MAST4: variants seen among roughly 807,000 people sequenced by gnomAD.
MAST4 encodes the protein microtubule-associated serine/threonine-protein kinase 4.
In MAST4, 89 loss-of-function variants were observed where a neutral mutation model predicts 162.7. The observed-to-expected ratio is 0.55, with a 90% CI of 0.46 to 0.65. MAST4 has a LOEUF of 0.65. MAST4 is among the 30% of genes least tolerant of loss of function. The pLI is 0.00. For synonymous variants in MAST4, 1,479 were observed against 1,361.1 expected, an observed-to-expected ratio of 1.09 and a Z score of -1.91; for missense variants, 3,153 against 3,374.0, an observed-to-expected ratio of 0.93 and a Z score of 1.62.
At chr5:67,082,691 G>A (rs1488946185) in intron 5 of MAST4, among the ~76,000 whole-genome samples, 2 of 152,004 alleles carry the variant, frequency 1.3e-5, no homozygotes, top group East Asian at 3.9e-4. Context: ...TCAGACTGTG[G>A]GCATGTAAGA....
intron 3 of MAST4, among the ~76,000 whole-genome samples, chr5:66,837,023 CATGT>C (rs1329165738): frequency 2.2e-4 from 32 of 144,752 alleles, no homozygotes; most frequent in South Asian, 6.9e-4. Flanking sequence ...CATGCAGGAT[CATGT>C]GTGTGTGTGT....
rs1229676471 is a variant in MAST4 at position 66,828,638 on chromosome 5, C to T, written c.642+39844C>T. The T allele has an allele frequency of 1.4e-5, 9 of 621,984 alleles. No homozygotes were observed. The East Asian group carries it at 2.5e-4, about 17-fold the overall frequency. The allele number at this position is 621,984 out of a possible 1,614,324, so 38.5% of individuals were successfully genotyped here. On this transcript the variant is annotated intron_variant, in intron 3 of 28. Coordinates refer to ENST00000403625, the MANE Select transcript of MAST4 (RefSeq NM_001164664.2). Reference sequence around the variant, plus strand: ...ATTAGGTGTCTGAGCCCACTTGCTGCTCTCTCCCACCGAACTGCAAGCATC... The same window carrying T: ...ATTAGGTGTCTGAGCCCACTTGCTGTTCTCTCCCACCGAACTGCAAGCATC...
chr5:66,682,908 G>A (rs766048304), intron 1 of MAST4, among the ~76,000 whole-genome samples: 13 of 152,194 alleles, frequency 8.5e-5, no homozygotes, highest in African/African-American at 7.2e-5. Flanking sequence ...CCATCTTTGA[G>A]AAGGCTTTTT....
At position 67,165,596 on chromosome 5, in the gene MAST4, G is replaced by C. The variant is rs748661968; in HGVS notation, c.6417G>C (p.Thr2139=). ...HPSSIPPPPL[T]AKDLSSPAAR... ...GCAGCATCCCTCCGCCCCCTCTGAC[G>C]GCCAAAGACCTGTCCAGCCCGGCTG... The change falls in exon 29 of 29, where the codon ACG becomes ACC. Residue 2139 remains threonine, a synonymous_variant. Transcript: ENST00000403625. The C allele has an allele frequency of 6.2e-7, 1 of 1,613,610 alleles. No homozygotes were observed. The highest frequency in any genetic ancestry group is 1.7e-5 in the Admixed American group (1 of 59,968).
intron 4 of MAST4, among the ~76,000 whole-genome samples, chr5:66,944,515 G>A (rs921507591): frequency 1.3e-5 from 2 of 152,000 alleles, no homozygotes; most frequent in African/African-American, 2.4e-5. Context: ...CATTTATAAA[G>A]CATCTACCAG....
At chr5:66,801,771 GA>G (rs902168473) in intron 3 of MAST4, among the ~76,000 whole-genome samples, 19 of 152,292 alleles carry the variant, frequency 1.2e-4, no homozygotes, top group African/African-American at 4.6e-4. Flanking sequence ...GCTATTGTGA[GA>G]ACTATTTCAA....
intron 2 of MAST4, among the ~76,000 whole-genome samples, chr5:66,772,365 T>TGTTTAC (rs1228415213): frequency 1.3e-5 from 2 of 152,188 alleles, no homozygotes; most frequent in African/African-American, 4.8e-5. Context: ...GATTTTACCC[T>TGTTTAC]CTTATAGGAA....
intron 4 of MAST4, among the ~76,000 whole-genome samples, chr5:67,014,539 C>T (rs143210745): frequency 1.3e-5 from 2 of 152,294 alleles, no homozygotes; most frequent in African/African-American, 2.4e-5. Context: ...TAAAAGTTGC[C>T]GTATTTTTAC....
intron 4 of MAST4, among the ~76,000 whole-genome samples, chr5:67,000,756 A>AGGCG (rs1554079056): frequency 7.1e-6 from 1 of 141,334 alleles, no homozygotes; most frequent in Non-Finnish European, 1.5e-5. Flanking sequence ...CTAAAAAAAA[A>AGGCG]GGGGGGGGGT....
chr5:66,956,117 C>T (rs759322916), intron 4 of MAST4, among the ~76,000 whole-genome samples: 2 of 152,094 alleles, frequency 1.3e-5, no homozygotes, highest in South Asian at 4.1e-4. Context: ...GCCACTGTGC[C>T]TGGCCTTCTT....
At chr5:66,645,311 A>G (rs917802600) in intron 1 of MAST4, among the ~76,000 whole-genome samples, 7 of 152,330 alleles carry the variant, frequency 4.6e-5, no homozygotes, top group East Asian at 3.9e-4. Context: ...TTGCATAGGC[A>G]CACTGATTCT....
intron 3 of MAST4, among the ~76,000 whole-genome samples, chr5:66,845,766 C>T (rs1246252349): frequency 6.6e-6 from 1 of 152,118 alleles, no homozygotes; most frequent in African/African-American, 2.4e-5. Flanking sequence ...CACATCCTCT[C>T]CAGCACCTGT....
intron 1 of MAST4, among the ~76,000 whole-genome samples, chr5:66,647,350 G>A (rs557030111): frequency 3.9e-5 from 6 of 152,058 alleles, no homozygotes; most frequent in Non-Finnish European, 7.4e-5. Context: ...ATTCCCCAGT[G>A]ACTACCCCAT....
intron 4 of MAST4, among the ~76,000 whole-genome samples, chr5:66,990,287 A>G (rs1749931454): frequency 6.6e-6 from 1 of 152,222 alleles, no homozygotes. Flanking sequence ...TAAGGTACTT[A>G]GAGGTTAAGT....
intron 4 of MAST4, among the ~76,000 whole-genome samples, chr5:66,920,250 G>A (rs1367831072): frequency 6.6e-6 from 1 of 151,930 alleles, no homozygotes; most frequent in Non-Finnish European, 1.5e-5. Flanking sequence ...CTGCATTTTG[G>A]TCAACTCAAA....
At chr5:66,825,277 C>CAG (rs1294850524) in intron 3 of MAST4, among the ~76,000 whole-genome samples, 1 of 105,278 alleles carries the variant, frequency 9.5e-6, no homozygotes, top group African/African-American at 3.9e-5. Context: ...CACACACACA[C>CAG]ACACACACAC....
chr5:66,919,654 G>A lies in MAST4; in HGVS notation c.674+19672G>A, dbSNP rs547665184. Among the ~76,000 whole-genome samples the A allele has an allele frequency of 1.1e-3, 124 of 114,492 alleles. 2 individuals carry two copies. In the South Asian group the frequency reaches 0.038, roughly 35 times the overall value. 75.1% of individuals were successfully genotyped at this position (114,492 alleles called of 152,430 possible). On this transcript the variant is annotated intron_variant, in intron 4 of 28. Transcript: ENST00000403625. ...AGCCTGGGCAACAGAGCAAGACTCC[G>A]TCACAGAAAAAAAAAAAAAAAAAAA...
intron 3 of MAST4, among the ~76,000 whole-genome samples, chr5:66,829,054 C>T (rs547616318): frequency 1.3e-5 from 2 of 152,244 alleles, no homozygotes; most frequent in South Asian, 2.1e-4. Context: ...TCACAGGGTT[C>T]AGTGAGGAAG....
At chr5:66,658,601 T>C (rs893592387) in intron 1 of MAST4, among the ~76,000 whole-genome samples, 17 of 152,238 alleles carry the variant, frequency 1.1e-4, no homozygotes, top group Admixed American at 4.6e-4. Context: ...ATTATGAGCT[T>C]GCAGGGTGTG....
Sources: allele counts gnomAD v4.1 joint callset (sites outside exome capture counted in the v4.1 genomes callset), GRCh38; gene constraint gnomAD v4.1.1; transcripts MANE v1.5; gene names NCBI Gene and HGNC (gene_info 2026-07-23, HGNC 2026-07-21).